The following FASN variants were observed in gnomAD, a reference collection of about 807,000 sequenced individuals.
FASN encodes 3-hydroxyacyl-[acyl-carrier-protein] dehydratase.
FASN carries 50 observed loss-of-function variants against 250.0 expected under a neutral mutation model. That is an observed-to-expected ratio of 0.20 (90% CI 0.16 to 0.25). The LOEUF is 0.25. Ranked by LOEUF, FASN falls within the 10% of genes least tolerant of loss-of-function variation. The probability of loss-of-function intolerance (pLI) is 1.00; values close to 1 mark genes in which losing one functional copy is unlikely to be tolerated. For synonymous variants in FASN, 1,909 were observed against 1,584.0 expected (o/e 1.21, Z -4.87); for missense variants, 3,031 against 3,498.5 (o/e 0.87, Z 3.37).
At chr17:82,085,004 A>T (rs1298363377) in intron 25 of FASN, 31 bp downstream of exon 25, 1 of 1,586,962 alleles carries the variant, frequency 6.3e-7, no homozygotes, top group Admixed American at 1.8e-5. Flanking sequence ...GCTGGTGGGG[A>T]AGGGGAAGTG....
chr17:82,095,616 TC>T, intron 2 of FASN, 144 bp from the exon 3 acceptor site: 1 of 1,022,586 alleles, frequency 9.8e-7, no homozygotes, highest in Non-Finnish European at 1.5e-6. Flanking sequence ...TGGAGCAGGC[TC>T]CCCAGGAGGG....
chr17:82,091,901 G>A (rs1040178093), intron 8 of FASN, among the ~76,000 whole-genome samples: 9 of 152,298 alleles, frequency 5.9e-5, no homozygotes, highest in African/African-American at 1.4e-4. Flanking sequence ...CTCCCCTTCC[G>A]GCCTTGCTGC....
intron 15 of FASN, 36 bp from the exon 16 acceptor site, chr17:82,088,598 A>T: frequency 6.3e-7 from 1 of 1,593,888 alleles, no homozygotes; most frequent in African/African-American, 1.3e-5. Context: ...CACACCCGTC[A>T]CCGGGGTCCA....
chr17:82,090,769 C>T, intron 10 of FASN, 113 bp downstream of exon 10: 1 of 1,275,198 alleles, frequency 7.8e-7, no homozygotes, highest in African/African-American at 1.5e-5. Context: ...CAAGGCTCTG[C>T]CTAGCAAAGG....
chr17:82,094,274 C>T (rs1598584495), intron 3 of FASN: 2 of 237,066 alleles, frequency 8.4e-6, no homozygotes, highest in Non-Finnish European at 1.7e-5. Flanking sequence ...ACCGGTCACC[C>T]CCGGGGAGCA....
chr17:82,080,674 A>G lies in FASN; in HGVS notation c.6826+18T>C. 1.9e-6 allele frequency: 3 copies of G among 1,568,058 alleles called. No homozygotes were observed. The highest frequency in any genetic ancestry group is 1.7e-6 in the Non-Finnish European group (2 of 1,156,838). ...GGCCAGCACTGACCACCGCTTCCAGAGGAGGGCCCGGGAGTACCTCGGGTG... is the reference window on the plus strand; with the variant it reads ...GGCCAGCACTGACCACCGCTTCCAGGGGAGGGCCCGGGAGTACCTCGGGTG... On this transcript the variant is annotated intron_variant, in intron 39 of 42. Transcript: ENST00000306749.
At chr17:82,088,348 TGGGGA>T in intron 16 of FASN, 37 bp downstream of exon 16, 1 of 1,610,616 alleles carries the variant, frequency 6.2e-7, no homozygotes, top group Non-Finnish European at 8.5e-7. Flanking sequence ...CGGGCGTCTG[TGGGGA>T]GGGAAGAGTC....
rs373593989 is a variant in FASN, at chr17:82,096,313, A to G, written c.127+6T>C. ...CCCAGGCACGGGGAGCCCCGCAGCC[A>G]CATACCCGCCTTCCAGCGACGGTCA... On this transcript the variant is annotated splice_donor_region_variant and intron_variant, in intron 2 of 42. Coordinates refer to ENST00000306749, the MANE Select transcript of FASN (RefSeq NM_004104.5). 5.0e-6 allele frequency: 8 copies of G among 1,612,282 alleles called. No individual in the cohort carries two copies. Among genetic ancestry groups the G allele is most frequent in the Non-Finnish European group, 5.9e-6 (7 of 1,179,938 alleles).
Position 82,089,038 on chromosome 17 carries a change from G to A in FASN, c.2235C>T (p.Phe745=), listed in dbSNP as rs1367210683. The change falls in exon 14 of 43, where the codon TTC becomes TTT. Residue 745 remains phenylalanine (F), a synonymous_variant. Transcript: ENST00000306749. The part of the protein sequence containing the change: ...NVNNLVSPVL[F]QEALWHVPEH... ...CAGGCACGTGCCACAGGGCCTCCTG[G>A]AACAGCACAGGGCTCACCAGGTTGT... 6.2e-7 allele frequency: 1 copy of A among 1,605,598 alleles called. No homozygotes were observed.
rs758697351 is a variant in FASN, at chr17:82,083,565, G to A, written c.5293C>T (p.Arg1765Cys). The A allele has an allele frequency of 1.1e-5, 17 of 1,612,610 alleles. No individual in the cohort carries two copies. The East Asian group carries it at 1.3e-4, about 13-fold the overall frequency. ...TCGAATTTGCCAATTTCCAGGAAGC[G>A]ACCGTGCGTAGCCAAGCACCTCACG... ...ASVRCLATHG[R>C]FLEIGKFDLS... Residue 1765 changes from arginine (R) to cysteine (C), a missense_variant, in exon 31 of 43, where the codon CGC becomes TGC. Physicochemically the swap from Arg to Cys is radical, Grantham distance 180. Coordinates refer to ENST00000306749, the MANE Select transcript of FASN (RefSeq NM_004104.5).
rs759026158 is a variant in FASN at position 82,090,917 on chromosome 17, T to C, written c.1645A>G (p.Ile549Val). 3.7e-6 allele frequency: 6 copies of C among 1,609,012 alleles called. No homozygotes were observed. Among genetic ancestry groups the C allele is most frequent in the Non-Finnish European group, 5.1e-6 (6 of 1,178,302 alleles). The stretch of plus-strand genomic sequence containing the variant: ...GTCAGGCTCACAAACGAATGGACGA[T>C]GTCATCAAAGGTGCTCTCGTCTGTG... Reference protein sequence around the residue: ...LSTDESTFDDIVHSFVSLTAI... With the variant: ...LSTDESTFDDVVHSFVSLTAI... The change falls in exon 10 of 43, where the codon ATC (isoleucine) becomes GTC (valine). Residue 549 changes from isoleucine (I) to valine (V), a missense_variant. By Grantham distance (29) the Ile-to-Val change is conservative. Coordinates refer to ENST00000306749, the MANE Select transcript of FASN (RefSeq NM_004104.5).
At chr17:82,089,477 C>A in intron 12 of FASN, 93 bp from the exon 13 acceptor site, 1 of 1,604,712 alleles carries the variant, frequency 6.2e-7, no homozygotes, top group Non-Finnish European at 8.5e-7. Flanking sequence ...CCAAGGGAAC[C>A]GAGAGGGAAT....
At position 82,095,474 on chromosome 17, in the gene FASN, T is replaced by C. The variant is rs112708021; in HGVS notation, c.128-2A>G. ...ACCGCCGGGGCAGGCCGTAGAGCCC[T>C]GTGGGACAGGCGGGTGTTTAAATCT... On this transcript the variant is annotated splice_acceptor_variant, in intron 2 of 42. Coordinates refer to ENST00000306749, the MANE Select transcript of FASN (RefSeq NM_004104.5). LOFTEE classifies it high-confidence loss of function. 6.2e-7 allele frequency: 1 copy of C among 1,611,930 alleles called. No individual in the cohort carries two copies. The highest frequency in any genetic ancestry group is 1.7e-5 in the Admixed American group (1 of 60,020).
intron 40 of FASN, 63 bp from the exon 41 acceptor site, chr17:82,080,301 C>G: frequency 6.2e-7 from 1 of 1,611,602 alleles, no homozygotes; most frequent in Non-Finnish European, 8.5e-7. Flanking sequence ...CGACGGTCCC[C>G]CAAAGCCAGG....
intron 19 of FASN, 34 bp downstream of exon 19, chr17:82,087,651 C>T (rs373102640): frequency 2.4e-5 from 38 of 1,608,030 alleles, no homozygotes; most frequent in East Asian, 4.5e-5. Flanking sequence ...CCGCCCTCCC[C>T]GGTGGCTTGG....
intron 38 of FASN, 71 bp downstream of exon 38, chr17:82,081,093 G>A (rs910805204): frequency 7.0e-5 from 106 of 1,508,680 alleles, no homozygotes; most frequent in African/African-American, 1.9e-4. Flanking sequence ...GCCGGGACAC[G>A]GTCCAGACAA....
rs377240677 is a variant in FASN at position 82,078,636 on chromosome 17, C to G, written c.*507G>C. The G allele has an allele frequency of 4.6e-6, 1 of 216,420 alleles. No homozygotes were observed. 13.4% of individuals were successfully genotyped at this position (216,420 alleles called of 1,614,324 possible). On this transcript the variant is annotated 3_prime_UTR_variant, in exon 43 of 43. Coordinates refer to ENST00000306749, the MANE Select transcript of FASN (RefSeq NM_004104.5). The surrounding 1 kb of genome is among the most constrained non-coding windows in gnomAD (Gnocchi z 5.4). Reference sequence around the variant, plus strand: ...AGCTCCTCGGGGACTGGCCCACGACCCCCCACTCAGCGGGCTGAGCCAATG... The same window carrying G: ...AGCTCCTCGGGGACTGGCCCACGACGCCCCACTCAGCGGGCTGAGCCAATG...
At position 82,080,678 on chromosome 17, in the gene FASN, G is replaced by A. The variant is rs1462232100; in HGVS notation, c.6826+14C>T. 9.6e-6 allele frequency: 15 copies of A among 1,570,652 alleles called. No homozygotes were observed. The highest frequency in any genetic ancestry group is 1.2e-5 in the Non-Finnish European group (14 of 1,158,394). On this transcript the variant is annotated intron_variant, in intron 39 of 42. Coordinates refer to ENST00000306749, the MANE Select transcript of FASN (RefSeq NM_004104.5). ...AGCACTGACCACCGCTTCCAGAGGA[G>A]GGCCCGGGAGTACCTCGGGTGCACT... is the stretch of plus-strand genomic sequence containing the variant.
chr17:82,088,512 G>A lies in FASN; in HGVS notation c.2471C>T (p.Pro824Leu). 1 of 1,608,436 alleles carries A rather than the reference G, an allele frequency of 6.2e-7. No individual in the cohort carries two copies. Among genetic ancestry groups the A allele is most frequent in the Non-Finnish European group, 8.5e-7 (1 of 1,176,734 alleles). The change falls in exon 16 of 43, where the codon CCC becomes CTC. Residue 824 changes from proline to leucine, a missense_variant. By Grantham distance (98) the Pro-to-Leu change is moderately conservative (BLOSUM62 -3). Transcript: ENST00000306749. The stretch of plus-strand genomic sequence containing the variant: ...TGGGGAGATGAGGGGAGTTCCTCGG[G>A]GAGCTGGGAACTCCACAGGTGGGAA... ...ALFPPVEFPAPRGTPLISPLI... is the reference protein window; with the variant it reads ...ALFPPVEFPALRGTPLISPLI...
Sources: gnomAD v4.1 joint callset for allele counts (sites outside exome capture counted in the v4.1 genomes callset) on GRCh38, gnomAD v4.1.1 for gene constraint, Gnocchi (gnomAD v3.1) non-coding constraint, MANE v1.5 for transcripts, NCBI Gene and HGNC (gene_info 2026-07-23, HGNC 2026-07-21) for gene names.